Variants in RPS3 observed in about 807,000 individuals in gnomAD.
RPS3 encodes the protein ribosomal protein S3.
RPS3 carries 2 observed loss-of-function variants against 25.8 expected under a neutral mutation model. That is an observed-to-expected ratio of 0.08 (90% CI 0.03 to 0.24). RPS3 has a LOEUF of 0.24. RPS3 is among the 10% of genes least tolerant of loss of function. RPS3 has a pLI of 1.00. For synonymous variants in RPS3, 114 were observed against 114.2 expected, an observed-to-expected ratio of 1.00 and a Z score of 0.01; for missense variants, 107 against 307.1, an observed-to-expected ratio of 0.35 and a Z score of 4.87.
intron 1 of RPS3, chr11:75,400,480 A>C (rs967765423): frequency 1.5e-6 from 1 of 684,024 alleles, no homozygotes; most frequent in Non-Finnish European, 2.6e-6. Flanking sequence ...GGCACAGTTT[A>C]AAGAGCCCTG....
chr11:75,411,310 C>T (rs1330419334), downstream of RPS3, among the ~76,000 whole-genome samples: 2 of 152,142 alleles, frequency 1.3e-5, no homozygotes, highest in Non-Finnish European at 2.9e-5. Flanking sequence ...CTGTGCTTGG[C>T]ATTTACCTTG....
chr11:75,401,775 A>G, intron 3 of RPS3, 42 bp downstream of exon 3: 1 of 1,091,294 alleles, frequency 9.2e-7, no homozygotes, highest in Non-Finnish European at 1.4e-6. Flanking sequence ...GGCTCTTCAG[A>G]ATGATACTTC....
intron 6 of RPS3, chr11:75,405,323 GTGCTTGGC>G (rs1565164930): frequency 3.9e-6 from 1 of 258,230 alleles, no homozygotes; most frequent in Non-Finnish European, 7.6e-6. Flanking sequence ...GTGAGCCACT[GTGCTTGGC>G]TGCTCAAGAT....
downstream of RPS3, among the ~76,000 whole-genome samples, chr11:75,411,611 C>T (rs540287158): frequency 5.3e-5 from 8 of 151,172 alleles, no homozygotes; most frequent in South Asian, 4.2e-4. Flanking sequence ...AGGATGGTCT[C>T]GATCTCCTGA....
intron 6 of RPS3, among the ~76,000 whole-genome samples, chr11:75,421,434 A>G (rs1948444462): frequency 6.6e-6 from 1 of 152,188 alleles, no homozygotes; most frequent in Admixed American, 6.5e-5. Flanking sequence ...CGATATGCAC[A>G]GAGCCTCGCA....
intron 6 of RPS3, among the ~76,000 whole-genome samples, chr11:75,414,511 T>TGAGGCAGGAGAATGGCATG (rs1948381336): frequency 6.6e-6 from 1 of 151,780 alleles, no homozygotes; most frequent in Admixed American, 6.6e-5. Flanking sequence ...CTAGGGAGGC[T>TGAGGCAGGAGAATGGCATG]GAGGCAGGAG....
intron 6 of RPS3, among the ~76,000 whole-genome samples, chr11:75,415,585 A>G (rs538710905): frequency 6.6e-6 from 1 of 152,252 alleles, no homozygotes; most frequent in African/African-American, 2.4e-5. Flanking sequence ...AGGTGGGTGG[A>G]TCACGAGGTC....
chr11:75,400,592 A>C, intron 1 of RPS3, 102 bp from the exon 2 acceptor site: 1 of 1,516,316 alleles, frequency 6.6e-7, no homozygotes, highest in Non-Finnish European at 9.1e-7. Flanking sequence ...GGAGGTATTT[A>C]GTTTTGGTGA....
chr11:75,421,991 C>G (rs1200841766), exon 7 of RPS3: 1 of 152,218 alleles, frequency 6.6e-6, no homozygotes, highest in Non-Finnish European at 1.5e-5. Context: ...GCCCACACTA[C>G]TATTTTGAAA....
At chr11:75,419,547 C>T (rs2135073540) in intron 6 of RPS3, among the ~76,000 whole-genome samples, 1 of 151,516 alleles carries the variant, frequency 6.6e-6, no homozygotes. Context: ...GAGTGAGACT[C>T]CTTCTCAAAC....
At chr11:75,416,453 T>A (rs1238413418) in intron 6 of RPS3, among the ~76,000 whole-genome samples, 2 of 132,456 alleles carry the variant, frequency 1.5e-5, no homozygotes, top group African/African-American at 6.0e-5. Context: ...CCATCTTGAT[T>A]ATTTCTATTT....
chr11:75,402,043 G>C, intron 3 of RPS3: 3 of 546,114 alleles, frequency 5.5e-6, no homozygotes, highest in Non-Finnish European at 9.8e-6. Flanking sequence ...GTAGGTGGTA[G>C]AAGTGCTTTA....
At chr11:75,417,261 G>A (rs575280350) in intron 6 of RPS3, among the ~76,000 whole-genome samples, 1 of 152,228 alleles carries the variant, frequency 6.6e-6, no homozygotes, top group East Asian at 1.9e-4. Context: ...TTTGAGCTTA[G>A]GGGTTCAAGA....
Position 75,405,054 on chromosome 11 carries a change from T to A in RPS3, c.*3+186T>A, listed in dbSNP as rs970731696. 1.5e-5 allele frequency: 7 copies of A among 459,496 alleles called. No individual in the cohort carries two copies. The East Asian group carries it at 2.3e-4, about 15-fold the overall frequency. 28.5% of individuals were successfully genotyped at this position (459,496 alleles called of 1,614,324 possible). A position where few individuals can be genotyped will look rare whatever the true frequency, so the allele number is the denominator to read the frequency against. On this transcript the variant is annotated intron_variant, in intron 6 of 6. Transcript: ENST00000531188. ...ACCCTTGGTTCCAATGGGACAGGTG[T>A]TGCCTTTATTCTTTCCAGAAAGAAG... is the stretch of plus-strand genomic sequence containing the variant.
At chr11:75,401,141 C>T (rs909038714) in intron 2 of RPS3, among the ~76,000 whole-genome samples, 1 of 152,188 alleles carries the variant, frequency 6.6e-6, no homozygotes, top group Non-Finnish European at 1.5e-5. Flanking sequence ...CTCAGCCTCC[C>T]AAAGTGCTGG....
In RPS3 at chr11:75,404,479, A is replaced by G. The variant is rs1384053194; in HGVS notation, c.539-193A>G. 2 of 796,362 alleles carry G rather than the reference A, an allele frequency of 2.5e-6. No individual in the cohort carries two copies. Among genetic ancestry groups the G allele is most frequent in the Non-Finnish European group, 4.6e-6 (2 of 436,086 alleles). 49.3% of individuals were successfully genotyped at this position (796,362 alleles called of 1,614,324 possible). Reference sequence around the variant, plus strand: ...TCACGTCCTGCTCTTGGTCCTTGTCAGTGCCATGTTCTGTGGTGCTGTGCA... The same window carrying G: ...TCACGTCCTGCTCTTGGTCCTTGTCGGTGCCATGTTCTGTGGTGCTGTGCA... On this transcript the variant is annotated intron_variant, in intron 5 of 6. Coordinates refer to ENST00000531188, the MANE Select transcript of RPS3 (RefSeq NM_001005.5). This position sits in a 1 kb window ranked among gnomAD's most constrained non-coding sequence, Gnocchi z 4.6.
At position 75,404,247 on chromosome 11, in the gene RPS3, C is replaced by T. The variant is rs775548019; in HGVS notation, c.538+40C>T. 7 of 1,576,020 alleles carry T rather than the reference C, an allele frequency of 4.4e-6. No individual in the cohort carries two copies. The East Asian group carries it at 9.0e-5, about 20-fold the overall frequency. On this transcript the variant is annotated intron_variant, in intron 5 of 6. Coordinates refer to ENST00000531188, the MANE Select transcript of RPS3 (RefSeq NM_001005.5). This position sits in a 1 kb window ranked among gnomAD's most constrained non-coding sequence, Gnocchi z 4.6. ...GTGCTTGGCAAAGGGCATTTGTGGACAGATTTGGTTTTCCACAGACATCTT... is the reference window on the plus strand; with the variant it reads ...GTGCTTGGCAAAGGGCATTTGTGGATAGATTTGGTTTTCCACAGACATCTT...
chr11:75,411,203 G>A (rs994902796), downstream of RPS3, among the ~76,000 whole-genome samples: 2 of 151,894 alleles, frequency 1.3e-5, no homozygotes, highest in Non-Finnish European at 2.9e-5. Flanking sequence ...GTAGAGATGG[G>A]GTTTCACCAT....
intron 1 of RPS3, 77 bp from the exon 2 acceptor site, chr11:75,400,617 A>G (rs2135049565): frequency 3.2e-6 from 5 of 1,584,478 alleles, no homozygotes; most frequent in East Asian, 2.3e-5. Context: ...TGCATTGACT[A>G]ATAAGACTAG....
Sources: gnomAD v4.1 joint callset for allele counts (sites outside exome capture counted in the v4.1 genomes callset) on GRCh38, gnomAD v4.1.1 for gene constraint, Gnocchi (gnomAD v3.1) non-coding constraint, MANE v1.5 for transcripts, NCBI Gene and HGNC (gene_info 2026-07-23, HGNC 2026-07-21) for gene names.